NUDT9: variants seen among roughly 807,000 people sequenced by gnomAD.
NUDT9 encodes nudix hydrolase 9.
Under a neutral mutation model 41.0 loss-of-function variants are expected in NUDT9, and 31 were observed. That is an observed-to-expected ratio of 0.76 (90% confidence interval 0.57 to 1.02). The LOEUF (loss-of-function observed/expected upper bound fraction) is 1.02. Ranked by LOEUF, NUDT9 falls within the 50% of genes least tolerant of loss-of-function variation. The probability of loss-of-function intolerance (pLI) is 0.00; values close to 1 mark genes in which losing one functional copy is unlikely to be tolerated. For missense variants in NUDT9, 380 were observed against 431.4 expected, an observed-to-expected ratio of 0.88 and a Z score of 1.06; for synonymous variants, 146 against 147.6, an observed-to-expected ratio of 0.99 and a Z score of 0.08.
At chr4:87,452,888 T>C (rs947634710) in intron 6 of NUDT9, among the ~76,000 whole-genome samples, 7 of 144,272 alleles carry the variant, frequency 4.9e-5, no homozygotes, top group African/African-American at 1.8e-4. Context: ...CTCGGCTCAC[T>C]GCAACCTCTG....
chr4:87,429,124 A>T (rs1721565697), intron 1 of NUDT9, among the ~76,000 whole-genome samples: 1 of 152,124 alleles, frequency 6.6e-6, no homozygotes, highest in South Asian at 2.1e-4. Context: ...AGTTCTTGTA[A>T]GTCAGGTTAA....
At position 87,454,381 on chromosome 4, in the gene NUDT9, G is replaced by T; in HGVS notation, c.800G>T (p.Gly267Val). ...TTCTTTTGAAAATAGATATATAAGGGATATGTTGATGATCCTCGAAACACT... is the reference window on the plus strand; with the variant it reads ...TTCTTTTGAAAATAGATATATAAGGTATATGTTGATGATCCTCGAAACACT... ...FSQDHLVIYK[G>V]YVDDPRNTDN... The change falls in exon 7 of 8, where the codon GGA (glycine) becomes GTA (valine). Residue 267 changes from glycine (G) to valine (V), a missense_variant. By Grantham distance (109) the Gly-to-Val change is moderately radical. Transcript: ENST00000302174. The T allele has an allele frequency of 6.2e-7, 1 of 1,606,330 alleles. No homozygotes were observed. The highest frequency in any genetic ancestry group is 8.5e-7 in the Non-Finnish European group (1 of 1,173,058).
chr4:87,429,895 T>C (rs1382755854), intron 1 of NUDT9, among the ~76,000 whole-genome samples: 3 of 152,104 alleles, frequency 2.0e-5, no homozygotes, highest in Non-Finnish European at 4.4e-5. Flanking sequence ...TATATATGCT[T>C]ATATAATAAA....
At chr4:87,438,525 G>A (rs1722057359) in intron 3 of NUDT9, among the ~76,000 whole-genome samples, 153 bp downstream of exon 3, 1 of 152,182 alleles carries the variant, frequency 6.6e-6, no homozygotes, top group South Asian at 2.1e-4. Context: ...CCTGTTGGTG[G>A]ATATTTTTAA....
Position 87,449,246 on chromosome 4 carries a change from TC to T in NUDT9, c.638del (p.Pro213GlnfsTer15). ...IKRKDCGEWA[I>X]PGGMVDPGEK... is the part of the protein sequence containing the mutation. ...AGGAAAGACTGTGGAGAATGGGCAA[TC>T]CCAGGGGTAAGCATTAAAATTAAAT... On this transcript the variant is annotated frameshift_variant, in exon 5 of 8. Transcript: ENST00000302174. LOFTEE classifies it high-confidence loss of function. The T allele has an allele frequency of 6.5e-7, 1 of 1,539,288 alleles. No individual in the cohort carries two copies. Among genetic ancestry groups the T allele is most frequent in the South Asian group, 1.1e-5 (1 of 89,434 alleles).
At position 87,458,724 on chromosome 4, in the gene NUDT9, C is replaced by T. The variant is rs1723092122; in HGVS notation, c.*703C>T. On this transcript the variant is annotated 3_prime_UTR_variant, in exon 8 of 8. Coordinates refer to ENST00000302174, the MANE Select transcript of NUDT9 (RefSeq NM_024047.5). ...TTTAAATCAGTATGTTCATTTCACT[C>T]TAGTGAAACTACTATATGTTGTAAA... 1 of 152,132 alleles carries T rather than the reference C, an allele frequency of 6.6e-6. No homozygotes were observed. Among genetic ancestry groups the T allele is most frequent in the Non-Finnish European group, 1.5e-5 (1 of 68,038 alleles). 9.4% of individuals were successfully genotyped at this position (152,132 alleles called of 1,614,324 possible).
intron 3 of NUDT9, among the ~76,000 whole-genome samples, chr4:87,440,865 A>G (rs570159946): frequency 6.6e-6 from 1 of 151,982 alleles, no homozygotes; most frequent in East Asian, 1.9e-4. Context: ...ATATGTATAT[A>G]TATATATGGT....
intron 1 of NUDT9, 62 bp downstream of exon 1, chr4:87,423,074 GC>G: frequency 7.6e-7 from 1 of 1,312,494 alleles, no homozygotes; most frequent in South Asian, 1.3e-5. Flanking sequence ...GTGGGAAGCA[GC>G]TTTTTTTTCT....
chr4:87,429,304 A>G (rs1449327652), intron 1 of NUDT9, among the ~76,000 whole-genome samples: 4 of 151,858 alleles, frequency 2.6e-5, no homozygotes, highest in Admixed American at 6.6e-5. Flanking sequence ...GGCACATACC[A>G]CCATGCCTGA....
intron 4 of NUDT9, among the ~76,000 whole-genome samples, chr4:87,443,335 A>C (rs1275677559): frequency 6.6e-6 from 1 of 152,244 alleles, no homozygotes; most frequent in Non-Finnish European, 1.5e-5. Context: ...GACTTTATAT[A>C]AAATCATAGT....
chr4:87,430,154 T>A (rs1044387269), intron 1 of NUDT9, among the ~76,000 whole-genome samples: 5 of 152,214 alleles, frequency 3.3e-5, no homozygotes, highest in Non-Finnish European at 7.3e-5. Context: ...TCTATGTTGC[T>A]GGCTTTGAAG....
Position 87,457,988 on chromosome 4 carries a change from C to T in NUDT9, c.1020C>T (p.Ser340=), listed in dbSNP as rs902201914. ...LVAEKRDAHW[S]EDSEADCHAL is the part of the protein sequence containing the mutation. ...CTGAGAAACGAGATGCACACTGGAG[C>T]GAGGACTCTGAAGCTGACTGCCATG... Residue 340 remains serine, a synonymous_variant, in exon 8 of 8, where the codon AGC becomes AGT. Coordinates refer to ENST00000302174, the MANE Select transcript of NUDT9 (RefSeq NM_024047.5). 1.0e-5 allele frequency: 16 copies of T among 1,574,576 alleles called. No homozygotes were observed. In the Admixed American group the frequency reaches 1.2e-4, roughly 11 times the overall value.
chr4:87,447,023 A>C (rs1676224517), intron 4 of NUDT9, among the ~76,000 whole-genome samples: 1 of 152,158 alleles, frequency 6.6e-6, no homozygotes, highest in Admixed American at 6.6e-5. Flanking sequence ...TACCCTGCTT[A>C]AAAACACTCT....
intron 6 of NUDT9, among the ~76,000 whole-genome samples, chr4:87,453,235 T>G (rs932725446): frequency 6.6e-6 from 1 of 152,212 alleles, no homozygotes; most frequent in Non-Finnish European, 1.5e-5. Flanking sequence ...AATATCTTCA[T>G]ATATTAATAG....
In NUDT9 at chr4:87,441,860, C is replaced by T. The variant is rs766231632; in HGVS notation, c.475C>T (p.Arg159Trp). 17 of 1,613,306 alleles carry T rather than the reference C, an allele frequency of 1.1e-5. No individual in the cohort carries two copies. The highest frequency in any genetic ancestry group is 6.7e-5 in the East Asian group (3 of 44,862). The change falls in exon 4 of 8, where the codon CGG becomes TGG. Residue 159 changes from arginine to tryptophan, a missense_variant. Physicochemically the swap from Arg to Trp is moderately radical, Grantham distance 101. Transcript: ENST00000302174. ...NPAGRTGLVG[R>W]GLLGRWGPNH... The stretch of plus-strand genomic sequence containing the variant: ...TGCAGGACGGACTGGACTGGTGGGC[C>T]GGGGGCTTTTGGGGCGATGGGGCCC...
Position 87,449,530 on chromosome 4 carries a change from C to T in NUDT9, c.642+277C>T, listed in dbSNP as rs138710261. 2.6e-3 allele frequency among the ~76,000 whole-genome samples: 401 copies of T among 152,228 alleles called. 3 individuals carry two copies. In the South Asian group the frequency reaches 0.028, roughly 11 times the overall value. On this transcript the variant is annotated intron_variant, in intron 5 of 7. Transcript: ENST00000302174. ...GTCTGTGTTCTGGCCGTTCTACTTG[C>T]AGCTGGGTGATTGGGAGTTCAGGCC...
intron 7 of NUDT9, among the ~76,000 whole-genome samples, chr4:87,455,706 C>T (rs1258022634): frequency 6.7e-6 from 1 of 148,940 alleles, no homozygotes; most frequent in African/African-American, 2.5e-5. Flanking sequence ...CTGTCACCCA[C>T]GCTGGAGTGC....
At chr4:87,445,035 C>T (rs147247429) in intron 4 of NUDT9, among the ~76,000 whole-genome samples, 9 of 152,180 alleles carry the variant, frequency 5.9e-5, no homozygotes, top group Non-Finnish European at 1.3e-4. Flanking sequence ...AGATTCAAGC[C>T]TTAGATGAAT....
intron 1 of NUDT9, among the ~76,000 whole-genome samples, chr4:87,428,320 C>T (rs1313987916): frequency 6.6e-6 from 1 of 152,158 alleles, no homozygotes; most frequent in East Asian, 1.9e-4. Flanking sequence ...ATCCAACTGA[C>T]AGTTTGTCAG....
Sources: allele counts gnomAD v4.1 joint callset (sites outside exome capture counted in the v4.1 genomes callset), GRCh38; gene constraint gnomAD v4.1.1; transcripts MANE v1.5; gene names NCBI Gene and HGNC (gene_info 2026-07-23, HGNC 2026-07-21).